The following MGAM variants were observed in gnomAD, a reference collection of about 807,000 sequenced individuals.
The protein encoded by MGAM is maltase-glucoamylase.
In MGAM, 253 loss-of-function variants were observed where a neutral mutation model predicts 358.8. That is an observed-to-expected ratio of 0.71 (90% CI 0.64 to 0.78). MGAM has a LOEUF of 0.78. Among genes scored for constraint, MGAM ranks in the 30% least tolerant of loss-of-function variants. MGAM has a pLI of 0.00. For missense variants in MGAM, 3,080 were observed against 3,432.6 expected, an observed-to-expected ratio of 0.90 and a Z score of 2.57; for synonymous variants, 1,105 against 1,227.1, an observed-to-expected ratio of 0.90 and a Z score of 2.08.
At chr7:142,061,230 G>A (rs146121294) in intron 34 of MGAM, among the ~76,000 whole-genome samples, 16 of 152,246 alleles carry the variant, frequency 1.1e-4, no homozygotes, top group Admixed American at 5.2e-4. Flanking sequence ...GGTTCCCTAC[G>A]TGTACCCCGT....
chr7:142,082,033 G>A lies in MGAM; in HGVS notation c.6003-9G>A, dbSNP rs1814343975. The A allele has an allele frequency of 1.3e-6, 2 of 1,554,292 alleles. No homozygotes were observed. Among genetic ancestry groups the A allele is most frequent in the East Asian group, 2.3e-5 (1 of 43,946 alleles). On this transcript the variant is annotated splice_polypyrimidine_tract_variant and intron_variant, in intron 50 of 70. Coordinates refer to ENST00000475668, the MANE Select transcript of MGAM (RefSeq NM_001365693.1). ...TTTTCTGTTTCAAATCTGCCTTTTT[G>A]TGTTTCAGTTGGGACTCTCAGCTCC...
At chr7:142,077,771 T>C (rs1320691174) in intron 47 of MGAM, among the ~76,000 whole-genome samples, 1 of 145,680 alleles carries the variant, frequency 6.9e-6, no homozygotes, top group African/African-American at 2.4e-5. Context: ...GTATACCTAC[T>C]ATATACTCAT....
chr7:142,027,302 G>C, intron 9 of MGAM, 75 bp downstream of exon 9: 1 of 1,226,412 alleles, frequency 8.2e-7, no homozygotes, highest in South Asian at 1.3e-5. Context: ...AAATTCATGT[G>C]CAAGTGTGAC....
chr7:142,011,975 C>T (rs191552174), intron 3 of MGAM, among the ~76,000 whole-genome samples: 1 of 152,310 alleles, frequency 6.6e-6, no homozygotes, highest in East Asian at 1.9e-4. Context: ...AGATATTTCA[C>T]AGAGTCGAGA....
chr7:142,031,261 T>A (rs1554463671), intron 12 of MGAM, among the ~76,000 whole-genome samples: 1 of 152,176 alleles, frequency 6.6e-6, no homozygotes, highest in African/African-American at 2.4e-5. Flanking sequence ...TGATGACCTT[T>A]TCAGAGTATA....
Position 142,086,255 on chromosome 7 carries a change from C to T in MGAM, c.6674C>T (p.Pro2225Leu). Residue 2225 changes from proline to leucine, a missense_variant, in exon 56 of 71, where the codon CCT becomes CTT. Pro to Leu is a moderately conservative substitution (Grantham distance 98, BLOSUM62 -3). Coordinates refer to ENST00000475668, the MANE Select transcript of MGAM (RefSeq NM_001365693.1). ...AISGNETQPY[P>L]AFTRGVEDDV... ...TCTGGCAATGAGACACAGCCCTATC[C>T]TGCCTTCACTCGGGGCGTGGAGGAT... The T allele has an allele frequency of 6.5e-7, 1 of 1,544,324 alleles. No homozygotes were observed. Among genetic ancestry groups the T allele is most frequent in the South Asian group, 1.1e-5 (1 of 87,334 alleles).
Position 142,069,943 on chromosome 7 carries a change from C to G in MGAM, c.5062-1051C>G, listed in dbSNP as rs1490477885. On this transcript the variant is annotated intron_variant, in intron 43 of 70. Coordinates refer to ENST00000475668, the MANE Select transcript of MGAM (RefSeq NM_001365693.1). ...GTGTGGTGGCTCACACCTGTAATCC[C>G]AGGACTTTGGGAGGCCGAGATGGAC... Among the ~76,000 whole-genome samples, 2 of 145,596 alleles carry G rather than the reference C, an allele frequency of 1.4e-5. 1 individual carries two copies. Among genetic ancestry groups the G allele is most frequent in the Non-Finnish European group, 3.1e-5 (2 of 64,290 alleles).
At chr7:142,022,955 T>C (rs1030048957) in intron 7 of MGAM, among the ~76,000 whole-genome samples, 9 of 152,212 alleles carry the variant, frequency 5.9e-5, no homozygotes, top group Non-Finnish European at 1.3e-4. Flanking sequence ...AGTTTTGTTG[T>C]TATTGTTTTA....
At chr7:142,077,018 T>G (rs1298267334) in intron 47 of MGAM, among the ~76,000 whole-genome samples, 192 bp downstream of exon 47, 1 of 145,224 alleles carries the variant, frequency 6.9e-6, no homozygotes, top group Non-Finnish European at 1.6e-5. Context: ...ATGAGTTGGG[T>G]ATTTTTCTTC....
At chr7:142,046,388 T>C (rs1339076190) in intron 21 of MGAM, among the ~76,000 whole-genome samples, 1 of 151,918 alleles carries the variant, frequency 6.6e-6, no homozygotes, top group East Asian at 1.9e-4. Flanking sequence ...GATAATCTTA[T>C]AACTGTGGGT....
At position 142,042,448 on chromosome 7, in the gene MGAM, TAATATA is replaced by T. The variant is rs1293546966; in HGVS notation, c.2498+1604_2498+1609del. 8.9e-5 allele frequency among the ~76,000 whole-genome samples: 2 copies of T among 22,444 alleles called. 1 individual carries two copies. The highest frequency in any genetic ancestry group is 2.8e-4 in the African/African-American group (2 of 7,058). The allele number at this position is 22,444 out of a possible 152,430, so 14.7% of individuals were successfully genotyped here. A position where few individuals can be genotyped will look rare whatever the true frequency, so the allele number is the denominator to read the frequency against. On this transcript the variant is annotated intron_variant, in intron 21 of 70. Coordinates refer to ENST00000475668, the MANE Select transcript of MGAM (RefSeq NM_001365693.1). The stretch of plus-strand genomic sequence containing the variant: ...CATATAATATATAACATATAATATA[TAATATA>T]ACATATAATATATAATATATAATAT...
At chr7:142,024,615 G>T (rs1483478382) in intron 7 of MGAM, among the ~76,000 whole-genome samples, 1 of 152,022 alleles carries the variant, frequency 6.6e-6, no homozygotes, top group Non-Finnish European at 1.5e-5. Context: ...GTGCAGTCTA[G>T]GTTGAGAACT....
intron 68 of MGAM, among the ~76,000 whole-genome samples, chr7:142,101,115 A>G (rs921411516): frequency 6.6e-6 from 1 of 152,224 alleles, no homozygotes; most frequent in Non-Finnish European, 1.5e-5. Flanking sequence ...GTAATCCACT[A>G]TAGAAGGTAG....
At chr7:142,010,076 T>C (rs150255405) in intron 3 of MGAM, among the ~76,000 whole-genome samples, 3 of 152,294 alleles carry the variant, frequency 2.0e-5, no homozygotes, top group African/African-American at 4.8e-5. Context: ...TGATTCTTGG[T>C]TGTAAATACC....
At chr7:142,045,984 G>GTTATATATATTATA (rs1810310532) in intron 21 of MGAM, among the ~76,000 whole-genome samples, 1 of 36,424 alleles carries the variant, frequency 2.7e-5, no homozygotes, top group Non-Finnish European at 8.5e-5. Flanking sequence ...TATATATTAT[G>GTTATATATATTATA]TATACATACA....
chr7:142,017,802 T>C (rs544572159), intron 3 of MGAM, among the ~76,000 whole-genome samples: 2 of 152,294 alleles, frequency 1.3e-5, no homozygotes, highest in African/African-American at 4.8e-5. Context: ...TCATTATTTG[T>C]ATAACTAAGC....
upstream of MGAM, among the ~76,000 whole-genome samples, chr7:141,995,245 C>CAAAAAA (rs60373445): frequency 7.4e-6 from 1 of 134,260 alleles, no homozygotes; most frequent in African/African-American, 2.6e-5. Context: ...AAAAGCCAAC[C>CAAAAAA]AAAAAAAAAA....
Position 142,096,322 on chromosome 7 carries a change from C to T in MGAM, c.7608-9C>T, listed in dbSNP as rs1815901003. The T allele has an allele frequency of 2.5e-6, 4 of 1,611,934 alleles. No individual in the cohort carries two copies. The highest frequency in any genetic ancestry group is 3.4e-6 in the Non-Finnish European group (4 of 1,178,196). On this transcript the variant is annotated splice_polypyrimidine_tract_variant and intron_variant, in intron 64 of 70. Coordinates refer to ENST00000475668, the MANE Select transcript of MGAM (RefSeq NM_001365693.1). The stretch of plus-strand genomic sequence containing the variant: ...GGGCTCTGTTGGGCACCTTCATTTC[C>T]CTTTCCAGGTTTGTGTCAGACCAGG...
At chr7:142,081,493 G>C (rs1814278825) in intron 50 of MGAM, among the ~76,000 whole-genome samples, 1 of 145,536 alleles carries the variant, frequency 6.9e-6, no homozygotes, top group South Asian at 2.2e-4. Flanking sequence ...GGGTAGGCCA[G>C]GAGATGAAGC....
Sources: gnomAD v4.1 joint callset for allele counts (sites outside exome capture counted in the v4.1 genomes callset) on GRCh38, gnomAD v4.1.1 for gene constraint, MANE v1.5 for transcripts, NCBI Gene and HGNC (gene_info 2026-07-23, HGNC 2026-07-21) for gene names.